The following HS6ST3 variants were observed in gnomAD, a reference collection of about 807,000 sequenced individuals.
HS6ST3 encodes the protein heparan sulfate 6-O-sulfotransferase 3.
HS6ST3 carries 12 observed loss-of-function variants against 36.7 expected under a neutral mutation model. That is an observed-to-expected ratio of 0.33 (90% CI 0.21 to 0.53). The LOEUF (loss-of-function observed/expected upper bound fraction) is 0.53. Ranked by LOEUF, HS6ST3 falls within the 20% of genes least tolerant of loss-of-function variation. The probability of loss-of-function intolerance (pLI) is 0.95; values close to 1 mark genes in which losing one functional copy is unlikely to be tolerated. For synonymous variants in HS6ST3, 240 were observed against 257.5 expected, an observed-to-expected ratio of 0.93 and a Z score of 0.65; for missense variants, 584 against 640.9, an observed-to-expected ratio of 0.91 and a Z score of 0.96.
At chr13:96,463,195 A>G (rs2139493202) in intron 1 of HS6ST3, among the ~76,000 whole-genome samples, 1 of 152,290 alleles carries the variant, frequency 6.6e-6, no homozygotes, top group East Asian at 1.9e-4. Context: ...CCCAAGAAGA[A>G]GCTGAAGGTA....
chr13:96,527,113 C>T lies in HS6ST3; in HGVS notation c.708-305377C>T, dbSNP rs566899151. On this transcript the variant is annotated intron_variant, in intron 1 of 1. Transcript: ENST00000376705. ...TTTTTTTTTATTGTTTTTTTAGAAA[C>T]GGTGTCTTGCTGGGTCACCCAGGCT... Among the ~76,000 whole-genome samples, 8 of 150,406 alleles carry T rather than the reference C, an allele frequency of 5.3e-5. 1 individual carries two copies. The South Asian group carries it at 1.3e-3, about 24-fold the overall frequency.
At chr13:96,244,720 A>G (rs1250400345) in intron 1 of HS6ST3, among the ~76,000 whole-genome samples, 3 of 152,200 alleles carry the variant, frequency 2.0e-5, no homozygotes, top group Admixed American at 6.5e-5. Context: ...AAGAAATAGA[A>G]CTGAAATTTG....
chr13:96,216,402 C>A (rs114366903), intron 1 of HS6ST3, among the ~76,000 whole-genome samples: 1,744 of 152,248 alleles, frequency 0.011, 36 homozygotes, highest in African/African-American at 0.04. Flanking sequence ...CTAAAAGTTT[C>A]TTTCCTTCCT....
chr13:96,264,556 T>C (rs1283698836), intron 1 of HS6ST3, among the ~76,000 whole-genome samples: 1 of 152,192 alleles, frequency 6.6e-6, no homozygotes, highest in Non-Finnish European at 1.5e-5. Flanking sequence ...CTGGTCTCTC[T>C]TTAAAGTTGT....
intron 1 of HS6ST3, among the ~76,000 whole-genome samples, chr13:96,417,570 A>G (rs1440594728): frequency 6.8e-6 from 1 of 147,604 alleles, no homozygotes. Context: ...CAGCATGGTG[A>G]AAAAAAATAG....
intron 1 of HS6ST3, among the ~76,000 whole-genome samples, chr13:96,188,246 G>A (rs1195076729): frequency 6.6e-6 from 1 of 152,136 alleles, no homozygotes; most frequent in Non-Finnish European, 1.5e-5. Flanking sequence ...AGTTTAGTAA[G>A]TATGATGTTT....
intron 1 of HS6ST3, among the ~76,000 whole-genome samples, chr13:96,151,983 A>G (rs1240635957): frequency 6.6e-6 from 1 of 152,222 alleles, no homozygotes; most frequent in Non-Finnish European, 1.5e-5. Context: ...CTTATTTCCA[A>G]GTAAGGTTAC....
At chr13:96,540,345 G>A (rs948717227) in intron 1 of HS6ST3, among the ~76,000 whole-genome samples, 1 of 152,082 alleles carries the variant, frequency 6.6e-6, no homozygotes, top group African/African-American at 2.4e-5. Flanking sequence ...CAGCACTCAG[G>A]TATAAAACTT....
chr13:96,258,284 GA>G (rs1323425795), intron 1 of HS6ST3, among the ~76,000 whole-genome samples: 3 of 152,050 alleles, frequency 2.0e-5, no homozygotes, highest in Non-Finnish European at 1.5e-5. Flanking sequence ...TATGATCTCC[GA>G]ATCACTTCTA....
intron 1 of HS6ST3, among the ~76,000 whole-genome samples, chr13:96,571,946 T>C (rs923947197): frequency 6.6e-6 from 1 of 152,228 alleles, no homozygotes; most frequent in African/African-American, 2.4e-5. Context: ...ATGCACCGTG[T>C]GCTTTAAGGT....
rs113563720 is a variant in HS6ST3 at position 96,835,604 on chromosome 13, GAC to G, written c.*2436_*2437del. The G allele has an allele frequency of 0.15, 22,169 of 148,490 alleles. 1,927 individuals carry two copies. Among genetic ancestry groups the G allele is most frequent in the Admixed American group, 0.21 (3,132 of 14,924 alleles). The allele number at this position is 148,490 out of a possible 1,614,324, so 9.2% of individuals were successfully genotyped here. A position where few individuals can be genotyped will look rare whatever the true frequency, so the allele number is the denominator to read the frequency against. ...AAATTATCCTTCTGCCTGCCCCTGT[GAC>G]ACACACACACACACACACACACACA... On this transcript the variant is annotated 3_prime_UTR_variant, in exon 2 of 2. Coordinates refer to ENST00000376705, the MANE Select transcript of HS6ST3 (RefSeq NM_153456.4).
At chr13:96,420,012 T>TA (rs2139467506) in intron 1 of HS6ST3, among the ~76,000 whole-genome samples, 1 of 152,328 alleles carries the variant, frequency 6.6e-6, no homozygotes, top group East Asian at 1.9e-4. Flanking sequence ...ATGAAAGAGT[T>TA]ATGCTATCAT....
Position 96,266,931 on chromosome 13 carries a change from A to G in HS6ST3, c.707+175362A>G, listed in dbSNP as rs929149247. On this transcript the variant is annotated intron_variant, in intron 1 of 1. Transcript: ENST00000376705. ...TAACCATTTCTGAAAGATTGGTGAT[A>G]TGGTTTGGCTGTGTGTTTCCACCCA... Among the ~76,000 whole-genome samples the G allele has an allele frequency of 2.0e-5, 3 of 152,162 alleles. No homozygotes were observed. The East Asian group carries it at 5.8e-4, about 29-fold the overall frequency.
At chr13:96,574,286 GA>G (rs2056312783) in intron 1 of HS6ST3, 12 of 380,724 alleles carry the variant, frequency 3.2e-5, no homozygotes, top group Admixed American at 7.3e-5. Context: ...ATTCATTAAG[GA>G]AAAAGGCATC....
intron 1 of HS6ST3, among the ~76,000 whole-genome samples, chr13:96,135,440 T>A (rs898177091): frequency 2.6e-5 from 4 of 152,076 alleles, no homozygotes; most frequent in Admixed American, 6.6e-5. Context: ...AATCATGTCA[T>A]ATGAGGAACA....
At chr13:96,411,757 G>A (rs1451871820) in intron 1 of HS6ST3, among the ~76,000 whole-genome samples, 1 of 152,174 alleles carries the variant, frequency 6.6e-6, no homozygotes, top group African/African-American at 2.4e-5. Flanking sequence ...CGTGAACAAA[G>A]GAAGTGTCAA....
At chr13:96,724,872 T>C (rs1363302388) in intron 1 of HS6ST3, among the ~76,000 whole-genome samples, 1 of 152,214 alleles carries the variant, frequency 6.6e-6, no homozygotes, top group African/African-American at 2.4e-5. Flanking sequence ...TTATTTCTCT[T>C]GAATAAATAC....
At chr13:96,510,761 C>G (rs1377739087) in intron 1 of HS6ST3, among the ~76,000 whole-genome samples, 1 of 152,094 alleles carries the variant, frequency 6.6e-6, no homozygotes, top group Non-Finnish European at 1.5e-5. Context: ...TCCCTAGTGT[C>G]ATTCTCCTCA....
At chr13:96,497,289 A>T (rs1293411212) in intron 1 of HS6ST3, among the ~76,000 whole-genome samples, 3 of 152,090 alleles carry the variant, frequency 2.0e-5, no homozygotes, top group Non-Finnish European at 4.4e-5. Context: ...GCATTGGTGA[A>T]TTCTGACCCA....
Sources: allele counts gnomAD v4.1 joint callset (sites outside exome capture counted in the v4.1 genomes callset), GRCh38; gene constraint gnomAD v4.1.1; transcripts MANE v1.5; gene names NCBI Gene and HGNC (gene_info 2026-07-23, HGNC 2026-07-21).